The following RHCE variants were observed in gnomAD, a reference collection of about 807,000 sequenced individuals.
RHCE encodes Rh blood group CcEe antigens.
A neutral mutation model predicts 43.8 loss-of-function variants in RHCE; 22 were observed. The ratio of observed to expected loss-of-function variants is 0.50; its 90% CI spans 0.36 to 0.72. The LOEUF (loss-of-function observed/expected upper bound fraction) is 0.72, where lower values mean the gene tolerates loss of function less well. RHCE is among the 30% of genes least tolerant of loss of function. The pLI, the probability that RHCE is intolerant of heterozygous loss-of-function variation, is 0.00. For synonymous variants in RHCE, 156 were observed against 210.7 expected, an observed-to-expected ratio of 0.74 and a Z score of 2.25; for missense variants, 385 against 525.4, an observed-to-expected ratio of 0.73 and a Z score of 2.61.
intron 3 of RHCE, among the ~76,000 whole-genome samples, chr1:25,401,407 T>C (rs554143332): frequency 6.6e-6 from 1 of 152,248 alleles, no homozygotes; most frequent in South Asian, 2.1e-4. Flanking sequence ...AACTGTGGGT[T>C]CTCGCTTGGG....
At chr1:25,429,765 G>T (rs1215901510) in intron 1 of RHCE, among the ~76,000 whole-genome samples, 1 of 151,994 alleles carries the variant, frequency 6.6e-6, no homozygotes, top group African/African-American at 2.4e-5. Flanking sequence ...AGACTCATTG[G>T]TGTTTTTTCC....
At chr1:25,410,297 C>T (rs374601409) in intron 1 of RHCE, among the ~76,000 whole-genome samples, 4 of 152,104 alleles carry the variant, frequency 2.6e-5, no homozygotes, top group East Asian at 1.9e-4. Context: ...CAACTGTTTT[C>T]GCACATGAAT....
At chr1:25,385,583 A>T in intron 7 of RHCE, 128 bp downstream of exon 7, 1 of 1,380,244 alleles carries the variant, frequency 7.2e-7, no homozygotes. Flanking sequence ...ATCAGCCAAC[A>T]AATATTCACC....
chr1:25,391,353 T>G (rs1181017317), intron 4 of RHCE, among the ~76,000 whole-genome samples: 1 of 151,904 alleles, frequency 6.6e-6, no homozygotes, highest in South Asian at 2.1e-4. Context: ...CCCAGCTGAT[T>G]TGTTTGTATT....
intron 2 of RHCE, among the ~76,000 whole-genome samples, chr1:25,426,913 C>T (rs1022430991): frequency 6.6e-6 from 1 of 152,114 alleles, no homozygotes; most frequent in African/African-American, 2.4e-5. Context: ...AAAAATTATC[C>T]AGGCGTGGTG....
chr1:25,382,894 T>C (rs919602562), intron 7 of RHCE, among the ~76,000 whole-genome samples: 30 of 152,326 alleles, frequency 2.0e-4, no homozygotes, highest in African/African-American at 7.0e-4. Flanking sequence ...AATAGACTTA[T>C]TTTTACATTT....
intron 1 of RHCE, among the ~76,000 whole-genome samples, chr1:25,412,708 CT>C (rs1209839554): frequency 0.038 from 3,895 of 103,020 alleles, 449 homozygotes; most frequent in African/African-American, 0.16. Context: ...GAGGGAGACC[CT>C]TTTTTTAAAA....
chr1:25,406,737 T>C (rs1646935135), intron 2 of RHCE, among the ~76,000 whole-genome samples: 1 of 119,058 alleles, frequency 8.4e-6, no homozygotes, highest in African/African-American at 2.6e-5. Flanking sequence ...GCCATTCTCC[T>C]GCCTCAGCCT....
At chr1:25,412,581 A>G (rs2982332) in intron 1 of RHCE, among the ~76,000 whole-genome samples, 1,692 of 152,050 alleles carry the variant, frequency 0.011, 26 homozygotes, top group African/African-American at 0.036. Context: ...GCGTGGTGGC[A>G]AGTGCCTGTA....
intron 1 of RHCE, among the ~76,000 whole-genome samples, chr1:25,410,894 A>G (rs1647052884): frequency 6.6e-6 from 1 of 152,096 alleles, no homozygotes; most frequent in South Asian, 2.1e-4. Context: ...GTTCGAGACT[A>G]GCCTGGCCAA....
intron 3 of RHCE, among the ~76,000 whole-genome samples, chr1:25,399,856 T>C (rs916165112): frequency 6.6e-6 from 1 of 152,200 alleles, no homozygotes; most frequent in Non-Finnish European, 1.5e-5. Context: ...GAGATTTAAT[T>C]CTCAAATGTA....
At chr1:25,410,108 G>A (rs1011813587) in intron 1 of RHCE, among the ~76,000 whole-genome samples, 3 of 152,052 alleles carry the variant, frequency 2.0e-5, no homozygotes, top group African/African-American at 4.8e-5. Flanking sequence ...TGTTGGCCAA[G>A]CTGGTCTCAA....
At chr1:25,401,189 T>G (rs1646728187) in intron 3 of RHCE, among the ~76,000 whole-genome samples, 1 of 152,240 alleles carries the variant, frequency 6.6e-6, no homozygotes, top group African/African-American at 2.4e-5. Flanking sequence ...TGCTTTTTTT[T>G]GTAAACGTGC....
At chr1:25,394,656 G>C (rs372308017) in intron 3 of RHCE, among the ~76,000 whole-genome samples, 2,841 of 152,242 alleles carry the variant, frequency 0.019, 87 homozygotes, top group African/African-American at 0.064. Context: ...CCACAAGAGT[G>C]CCTGGTATAT....
intron 1 of RHCE, among the ~76,000 whole-genome samples, chr1:25,429,346 G>T (rs1431757536): frequency 2.0e-5 from 3 of 151,582 alleles, no homozygotes; most frequent in Non-Finnish European, 4.4e-5. Flanking sequence ...TAGAGATGGG[G>T]TTTCACCATG....
chr1:25,374,025 T>A (rs199553269), intron 8 of RHCE, among the ~76,000 whole-genome samples: 8 of 151,240 alleles, frequency 5.3e-5, no homozygotes, highest in East Asian at 3.9e-4. Context: ...TTTCCCATGT[T>A]GGTCAGGCTG....
intron 6 of RHCE, among the ~76,000 whole-genome samples, chr1:25,387,875 C>A (rs769528757): frequency 2.8e-4 from 42 of 151,712 alleles, no homozygotes; most frequent in Non-Finnish European, 5.3e-4. Context: ...GGCTGGAGTG[C>A]AGTGGCGCAA....
chr1:25,426,307 CTTGT>C (rs1250696074), intron 2 of RHCE, among the ~76,000 whole-genome samples: 1 of 152,174 alleles, frequency 6.6e-6, no homozygotes, highest in Non-Finnish European at 1.5e-5. Flanking sequence ...CGATTTAGGC[CTTGT>C]TTTTCTCCCT....
At chr1:25,384,735 A>G (rs2518090) in intron 7 of RHCE, among the ~76,000 whole-genome samples, 5 of 152,196 alleles carry the variant, frequency 3.3e-5, no homozygotes, top group East Asian at 3.9e-4. Context: ...ACGTCCAAAC[A>G]CATCAGCTCC....
Sources: gnomAD v4.1 joint callset for allele counts (sites outside exome capture counted in the v4.1 genomes callset) on GRCh38, gnomAD v4.1.1 for gene constraint, MANE v1.5 for transcripts, NCBI Gene and HGNC (gene_info 2026-07-23, HGNC 2026-07-21) for gene names.